The following ZNF544 variants were observed in gnomAD, a reference collection of about 807,000 sequenced individuals.
The protein encoded by ZNF544 is zinc finger protein 544.
In ZNF544, 10 loss-of-function variants were observed where a neutral mutation model predicts 13.5. The observed-to-expected ratio is 0.74, with a 90% CI of 0.46 to 1.25. The LOEUF is 1.25. Ranked by LOEUF, ZNF544 falls within the 50% of genes most tolerant of loss-of-function variation. The pLI, the probability that ZNF544 is intolerant of heterozygous loss-of-function variation, is 0.00. For missense variants in ZNF544, 896 were observed against 845.6 expected, an observed-to-expected ratio of 1.06 and a Z score of -0.74; for synonymous variants, 323 against 300.5, an observed-to-expected ratio of 1.07 and a Z score of -0.77.
downstream of ZNF544, among the ~76,000 whole-genome samples, chr19:58,264,420 G>A (rs1177220377): frequency 6.7e-6 from 1 of 149,122 alleles, no homozygotes; most frequent in Admixed American, 6.7e-5. Context: ...GGTGAGGCTT[G>A]GTGGCTCATG....
At chr19:58,243,239 G>A (rs1007460994) in intron 3 of ZNF544, among the ~76,000 whole-genome samples, 5 of 152,076 alleles carry the variant, frequency 3.3e-5, no homozygotes, top group African/African-American at 9.7e-5. Context: ...TACAGGATGC[G>A]CTTCTGGAAT....
intron 3 of ZNF544, among the ~76,000 whole-genome samples, chr19:58,234,197 C>T (rs548595816): frequency 3.9e-4 from 59 of 152,318 alleles, no homozygotes; most frequent in Non-Finnish European, 8.2e-4. Flanking sequence ...ATGGGACTTT[C>T]TCTAGCTGTG....
At chr19:58,258,556 CAGGTGTGAGGGTGCT>C (rs1174321231) in intron 6 of ZNF544, 1 of 48,830 alleles carries the variant, frequency 2.0e-5, no homozygotes, top group Non-Finnish European at 4.6e-5. Context: ...GTGAGGGCAC[CAGGTGTGAGGGTGCT>C]GGGTGTGAGG....
downstream of ZNF544, among the ~76,000 whole-genome samples, chr19:58,266,378 GGTGGCAGGTGCCTGTAGT>G (rs1390235686): frequency 6.6e-6 from 1 of 151,028 alleles, no homozygotes; most frequent in Non-Finnish European, 1.5e-5. Flanking sequence ...AGCCAGGTGT[GGTGGCAGGTGCCTGTAGT>G]CCCAGCTACG....
chr19:58,260,954 G>GCC lies in ZNF544; in HGVS notation c.349_350dup (p.Pro118HisfsTer6), dbSNP rs747646046. On this transcript the variant is annotated frameshift_variant, in exon 7 of 7. Coordinates refer to ENST00000687789, the MANE Select transcript of ZNF544 (RefSeq NM_014480.4). LOFTEE classifies it low-confidence loss of function (END_TRUNC). ...AAGTGTACAGGAGTGGACCGGAGGA[G>GCC]CCACCCTCTTTGGTATTAGGAAAAG... 2 of 1,614,184 alleles carry GCC rather than the reference G, an allele frequency of 1.2e-6. No homozygotes were observed. Among genetic ancestry groups the GCC allele is most frequent in the South Asian group, 2.2e-5 (2 of 91,076 alleles).
chr19:58,236,439 G>A (rs915274258), intron 3 of ZNF544, among the ~76,000 whole-genome samples: 1 of 150,106 alleles, frequency 6.7e-6, no homozygotes. Flanking sequence ...GGAGGTTGCA[G>A]TGAGCCGAGA....
intron 3 of ZNF544, among the ~76,000 whole-genome samples, chr19:58,234,682 G>A (rs760588895): frequency 6.6e-6 from 1 of 152,242 alleles, no homozygotes; most frequent in South Asian, 2.1e-4. Context: ...TACACATGCA[G>A]AAAGGGAGGC....
intron 6 of ZNF544, among the ~76,000 whole-genome samples, chr19:58,255,322 G>T (rs536736058): frequency 6.6e-6 from 1 of 152,082 alleles, no homozygotes; most frequent in Non-Finnish European, 1.5e-5. Flanking sequence ...GATTACAGGC[G>T]TGTGCCACCA....
chr19:58,234,846 A>T (rs2042060602), intron 3 of ZNF544, among the ~76,000 whole-genome samples: 1 of 152,240 alleles, frequency 6.6e-6, no homozygotes, highest in South Asian at 2.1e-4. Flanking sequence ...GATTACAGCT[A>T]TTACAAAAAT....
At chr19:58,277,116 G>C (rs2051279441) in intron 6 of ZNF544, 4 of 1,163,770 alleles carry the variant, frequency 3.4e-6, no homozygotes, top group Non-Finnish European at 4.3e-6. Context: ...CCTAGAGCAG[G>C]AGCTCAGTCC....
In ZNF544 at chr19:58,230,382, C is replaced by T. The variant is rs1362753028; in HGVS notation, c.-128-12C>T. ...TAGCATCCTCACAAGGCAGGTCTTG[C>T]TGTTTTTCCAGATGTCTACGGATGA... On this transcript the variant is annotated splice_polypyrimidine_tract_variant and intron_variant, in intron 2 of 6. Transcript: ENST00000687789. 6.6e-6 allele frequency: 1 copy of T among 152,258 alleles called. No homozygotes were observed. The highest frequency in any genetic ancestry group is 2.4e-5 in the African/African-American group (1 of 41,432). The allele number at this position is 152,258 out of a possible 1,614,324, so 9.4% of individuals were successfully genotyped here.
At position 58,246,329 on chromosome 19, in the gene ZNF544, T is replaced by C; in HGVS notation, c.62T>C (p.Met21Thr). Residue 21 changes from methionine (M) to threonine (T), a missense_variant, in exon 5 of 7, where the codon ATG becomes ACG. By Grantham distance (81) the Met-to-Thr change is moderately conservative (BLOSUM62 -1). Transcript: ENST00000687789. The part of the protein sequence containing the change: ...QASVCFEDVA[M>T]AFTQEEWEQL... Reference sequence around the variant, plus strand: ...TCTGTGTGCTTCGAGGATGTGGCTATGGCATTCACACAGGAGGAGTGGGAA... The same window carrying C: ...TCTGTGTGCTTCGAGGATGTGGCTACGGCATTCACACAGGAGGAGTGGGAA... 4 of 1,614,116 alleles carry C rather than the reference T, an allele frequency of 2.5e-6. No homozygotes were observed. The highest frequency in any genetic ancestry group is 3.4e-6 in the Non-Finnish European group (4 of 1,179,994).
Position 58,262,289 on chromosome 19 carries a change from T to G in ZNF544, c.1683T>G (p.Ser561=). The change falls in exon 7 of 7, where the codon TCT becomes TCG. Residue 561 remains serine, a synonymous_variant. Coordinates refer to ENST00000687789, the MANE Select transcript of ZNF544 (RefSeq NM_014480.4). ...IECGKSFRWN[S]NLVIHQRIHT... ...GTGGGAAATCCTTCAGATGGAACTC[T>G]AACCTCGTCATACATCAGAGAATTC... 6.2e-7 allele frequency: 1 copy of G among 1,613,822 alleles called. No homozygotes were observed. Among genetic ancestry groups the G allele is most frequent in the Non-Finnish European group, 8.5e-7 (1 of 1,180,010 alleles).
At position 58,260,951 on chromosome 19, in the gene ZNF544, G is replaced by A; in HGVS notation, c.345G>A (p.Glu115=). Residue 115 remains glutamate, a synonymous_variant, in exon 7 of 7, where the codon GAG becomes GAA. Transcript: ENST00000687789. ...HHVEVYRSGP[E]EPPSLVLGKV... ...TGGAAGTGTACAGGAGTGGACCGGAGGAGCCACCCTCTTTGGTATTAGGAA... is the reference window on the plus strand; with the variant it reads ...TGGAAGTGTACAGGAGTGGACCGGAAGAGCCACCCTCTTTGGTATTAGGAA... 2.5e-6 allele frequency: 4 copies of A among 1,614,088 alleles called. No individual in the cohort carries two copies. The highest frequency in any genetic ancestry group is 2.2e-5 in the South Asian group (2 of 91,074).
chr19:58,252,604 A>G (rs1311748553), intron 6 of ZNF544, among the ~76,000 whole-genome samples: 1 of 152,118 alleles, frequency 6.6e-6, no homozygotes, highest in Non-Finnish European at 1.5e-5. Context: ...ACACAAAATC[A>G]TTTCTTTCTT....
In ZNF544 at chr19:58,261,877, T is replaced by C. The variant is rs202197481; in HGVS notation, c.1271T>C (p.Ile424Thr). 42 of 1,613,016 alleles carry C rather than the reference T, an allele frequency of 2.6e-5. No homozygotes were observed. Among genetic ancestry groups the C allele is most frequent in the Admixed American group, 2.2e-4 (13 of 59,890 alleles). The part of the protein sequence containing the change: ...GKSFTQRSKL[I>T]THQRIHTGEK... ...TCCTTCACCCAGAGATCCAAACTTATTACACATCAGCGAATTCACACTGGA... is the reference window on the plus strand; with the variant it reads ...TCCTTCACCCAGAGATCCAAACTTACTACACATCAGCGAATTCACACTGGA... The change falls in exon 7 of 7, where the codon ATT (isoleucine) becomes ACT (threonine). Residue 424 changes from isoleucine to threonine, a missense_variant. By Grantham distance (89) the Ile-to-Thr change is moderately conservative. Coordinates refer to ENST00000687789, the MANE Select transcript of ZNF544 (RefSeq NM_014480.4).
chr19:58,261,277 A>G lies in ZNF544; in HGVS notation c.671A>G (p.Gln224Arg). The G allele has an allele frequency of 1.2e-6, 2 of 1,614,216 alleles. No homozygotes were observed. The highest frequency in any genetic ancestry group is 1.7e-6 in the Non-Finnish European group (2 of 1,180,046). ...CATCAGTGTGCTAGAGCTTTCTGTC[A>G]GAGTATTTACTTGAGTAAACTTGGA... ...ESHQCARAFC[Q>R]SIYLSKLGNV... is the part of the protein sequence containing the mutation. The change falls in exon 7 of 7, where the codon CAG (glutamine) becomes CGG (arginine). Residue 224 changes from glutamine (Q) to arginine (R), a missense_variant. Transcript: ENST00000687789.
chr19:58,243,737 C>T (rs2044427795), intron 3 of ZNF544, among the ~76,000 whole-genome samples: 1 of 152,156 alleles, frequency 6.6e-6, no homozygotes, highest in South Asian at 2.1e-4. Context: ...CCCTCCTTGC[C>T]CTTGACTGTT....
downstream of ZNF544, among the ~76,000 whole-genome samples, chr19:58,264,999 A>T (rs2049675998): frequency 6.6e-6 from 1 of 152,128 alleles, no homozygotes; most frequent in Admixed American, 6.6e-5. Context: ...TAGGCACCAG[A>T]GCAACACTGT....
Sources: gnomAD v4.1 joint callset for allele counts (sites outside exome capture counted in the v4.1 genomes callset) on GRCh38, gnomAD v4.1.1 for gene constraint, MANE v1.5 for transcripts, NCBI Gene and HGNC (gene_info 2026-07-23, HGNC 2026-07-21) for gene names.